RARS1: variants seen among roughly 807,000 people sequenced by gnomAD.
RARS1 encodes the protein arginine--tRNA ligase, cytoplasmic.
RARS1 carries 75 observed loss-of-function variants against 78.7 expected under a neutral mutation model. The ratio of observed to expected loss-of-function variants is 0.95; its 90% CI spans 0.79 to 1.15. RARS1 has a LOEUF of 1.15. Ranked by LOEUF, RARS1 falls within the 50% of genes most tolerant of loss-of-function variation. RARS1 has a pLI of 0.00. For missense variants in RARS1, 787 were observed against 787.5 expected, an observed-to-expected ratio of 1.00 and a Z score of 0.01; for synonymous variants, 273 against 268.2, an observed-to-expected ratio of 1.02 and a Z score of -0.18.
intron 12 of RARS1, among the ~76,000 whole-genome samples, chr5:168,513,344 G>A (rs1419807524): frequency 5.3e-5 from 8 of 150,308 alleles, no homozygotes; most frequent in African/African-American, 1.7e-4. Context: ...TCTTAAGACA[G>A]AATCTCACTC....
At chr5:168,495,506 G>A in intron 6 of RARS1, 70 bp downstream of exon 6, 1 of 1,532,598 alleles carries the variant, frequency 6.5e-7, no homozygotes, top group Non-Finnish European at 8.8e-7. Flanking sequence ...ATAGAACATG[G>A]AATATCTCAC....
At chr5:168,506,393 C>A (rs980879339) in intron 10 of RARS1, among the ~76,000 whole-genome samples, 194 bp downstream of exon 10, 4 of 152,152 alleles carry the variant, frequency 2.6e-5, no homozygotes, top group Non-Finnish European at 4.4e-5. Context: ...TTCCAGCTTG[C>A]CTCCACAAAC....
At chr5:168,490,094 G>A (rs547396450) in intron 2 of RARS1, among the ~76,000 whole-genome samples, 1 of 152,274 alleles carries the variant, frequency 6.6e-6, no homozygotes, top group Non-Finnish European at 1.5e-5. Flanking sequence ...GATTACAGGC[G>A]TGAGCCACCG....
chr5:168,493,887 G>C lies in RARS1; in HGVS notation c.370-7G>C. 1 of 1,594,758 alleles carries C rather than the reference G, an allele frequency of 6.3e-7. No individual in the cohort carries two copies. Among genetic ancestry groups the C allele is most frequent in the South Asian group, 1.1e-5 (1 of 90,492 alleles). The stretch of plus-strand genomic sequence containing the variant: ...TGTGTAATGAATCATTTTATATTGT[G>C]TTGTAGATGCTCAAAACCAAGGAAC... On this transcript the variant is annotated splice_region_variant and splice_polypyrimidine_tract_variant and intron_variant, in intron 3 of 14. Transcript: ENST00000231572.
chr5:168,495,891 A>G lies in RARS1; in HGVS notation c.701+455A>G, dbSNP rs180874967. ...AGCCTGGGTACCATGGCTCACACCT[A>G]TAATTCCAGCACTTTGGTAGGCCAA... On this transcript the variant is annotated intron_variant, in intron 6 of 14. Transcript: ENST00000231572. Among the ~76,000 whole-genome samples the G allele has an allele frequency of 2.8e-4, 42 of 152,292 alleles. No homozygotes were observed. The East Asian group carries it at 7.1e-3, about 26-fold the overall frequency.
intron 12 of RARS1, among the ~76,000 whole-genome samples, chr5:168,515,334 C>A (rs542656315): frequency 6.6e-6 from 1 of 152,130 alleles, no homozygotes; most frequent in East Asian, 1.9e-4. Context: ...TTTTTCCCCC[C>A]ACAAGAGATA....
At chr5:168,502,384 A>ATATATATTTTTTTTTT (rs1280220276) in intron 9 of RARS1, among the ~76,000 whole-genome samples, 1 of 127,246 alleles carries the variant, frequency 7.9e-6, no homozygotes, top group African/African-American at 3.2e-5. Context: ...ATATATATAT[A>ATATATATTTTTTTTTT]TTTTTTTTTT....
At chr5:168,494,138 A>G (rs561841734) in intron 4 of RARS1, 136 bp downstream of exon 4, 1 of 1,247,940 alleles carries the variant, frequency 8.0e-7, no homozygotes, top group Non-Finnish European at 1.1e-6. Flanking sequence ...GTGGATTGTG[A>G]TATAGGAAAT....
intron 12 of RARS1, among the ~76,000 whole-genome samples, chr5:168,515,438 A>AATTACAGGCATGAGC (rs1758645800): frequency 6.6e-6 from 1 of 152,130 alleles, no homozygotes; most frequent in Admixed American, 6.5e-5. Flanking sequence ...GGCATGAGCC[A>AATTACAGGCATGAGC]ATTACAGGCA....
At chr5:168,518,320 G>T (rs1168512558) in intron 14 of RARS1, among the ~76,000 whole-genome samples, 2 of 151,696 alleles carry the variant, frequency 1.3e-5, no homozygotes, top group East Asian at 3.9e-4. Flanking sequence ...TGTGGGAGTG[G>T]TTTTCAGATT....
chr5:168,506,555 T>A (rs1001182806), intron 10 of RARS1, among the ~76,000 whole-genome samples, 167 bp from the exon 11 acceptor site: 2 of 152,212 alleles, frequency 1.3e-5, no homozygotes, highest in Non-Finnish European at 2.9e-5. Flanking sequence ...TTGCTCTTAG[T>A]GTTTCTCATA....
chr5:168,486,491 A>T lies in RARS1; in HGVS notation c.-8A>T. 1 of 1,557,462 alleles carries T rather than the reference A, an allele frequency of 6.4e-7. No homozygotes were observed. Among genetic ancestry groups the T allele is most frequent in the Middle Eastern group, 1.7e-4 (1 of 5,992 alleles). ...CGTCCACTTGGCGAGTGAGACGCTG[A>T]TGGGAGGATGGACGTACTGGTGTCT... On this transcript the variant is annotated 5_prime_UTR_variant, in exon 1 of 15. The change abolishes an upstream ATG in the 5' untranslated region. Coordinates refer to ENST00000231572, the MANE Select transcript of RARS1 (RefSeq NM_002887.4).
intron 2 of RARS1, 62 bp from the exon 3 acceptor site, chr5:168,492,597 G>A: frequency 7.5e-7 from 1 of 1,335,680 alleles, no homozygotes. Context: ...AATATTTGGA[G>A]ACATCTTGTA....
chr5:168,498,932 A>G (rs1441891053), intron 7 of RARS1, among the ~76,000 whole-genome samples: 1 of 152,086 alleles, frequency 6.6e-6, no homozygotes, highest in Non-Finnish European at 1.5e-5. Context: ...TGATCACACC[A>G]TTGCACTATA....
At chr5:168,514,360 T>A (rs77804607) in intron 12 of RARS1, among the ~76,000 whole-genome samples, 2 of 152,218 alleles carry the variant, frequency 1.3e-5, no homozygotes, top group African/African-American at 4.8e-5. Flanking sequence ...TAGAACTTTG[T>A]ATCTCACGTG....
chr5:168,506,696 C>A (rs756675637), intron 10 of RARS1, 26 bp from the exon 11 acceptor site: 17 of 1,515,820 alleles, frequency 1.1e-5, no homozygotes, highest in Admixed American at 1.8e-5. Flanking sequence ...AGAAGACTAG[C>A]AAGTAACTTT....
intron 4 of RARS1, 62 bp downstream of exon 4, chr5:168,494,064 A>G: frequency 6.9e-7 from 1 of 1,448,414 alleles, no homozygotes. Context: ...TTGAAGTTAA[A>G]AAAGAACACA....
At chr5:168,495,041 G>T in intron 5 of RARS1, 1 of 396,618 alleles carries the variant, frequency 2.5e-6, no homozygotes, top group East Asian at 5.6e-5. Flanking sequence ...AGGCATTTGA[G>T]GTAGCCAATT....
chr5:168,491,323 C>T (rs1758078906), intron 2 of RARS1, among the ~76,000 whole-genome samples: 1 of 152,124 alleles, frequency 6.6e-6, no homozygotes, highest in Admixed American at 6.6e-5. Flanking sequence ...TGCCACTGCA[C>T]TTTAGCCTCA....
Sources: gnomAD v4.1 joint callset for allele counts (sites outside exome capture counted in the v4.1 genomes callset) on GRCh38, gnomAD v4.1.1 for gene constraint, MANE v1.5 for transcripts, NCBI Gene and HGNC (gene_info 2026-07-23, HGNC 2026-07-21) for gene names.